Variants in CDK13 observed in about 807,000 individuals in gnomAD.
CDK13 encodes cyclin-dependent kinase 13.
In CDK13, 40 loss-of-function variants were observed where a neutral mutation model predicts 137.6. That is an observed-to-expected ratio of 0.29 (90% CI 0.23 to 0.38). CDK13 has a LOEUF of 0.38. Among genes scored for constraint, CDK13 ranks in the 10% least tolerant of loss-of-function variants. CDK13 has a pLI of 1.00. For synonymous variants in CDK13, 869 were observed against 760.1 expected, an observed-to-expected ratio of 1.14 and a Z score of -2.36; for missense variants, 1,704 against 1,951.8, an observed-to-expected ratio of 0.87 and a Z score of 2.39.
At chr7:40,080,540 C>T (rs983814736) in intron 11 of CDK13, among the ~76,000 whole-genome samples, 2 of 151,900 alleles carry the variant, frequency 1.3e-5, no homozygotes, top group African/African-American at 4.8e-5. Context: ...GATTTGGGAG[C>T]CAAAAAGGAT....
chr7:40,043,138 T>C (rs1021758188), intron 5 of CDK13, among the ~76,000 whole-genome samples: 1 of 152,246 alleles, frequency 6.6e-6, no homozygotes, highest in African/African-American at 2.4e-5. Context: ...TACATTTTCA[T>C]TTAATGAATT....
At chr7:39,972,863 A>G (rs1784029466) in intron 1 of CDK13, among the ~76,000 whole-genome samples, 1 of 152,178 alleles carries the variant, frequency 6.6e-6, no homozygotes, top group Non-Finnish European at 1.5e-5. Flanking sequence ...TTAAGATTTT[A>G]AAGAGCTGTC....
intron 5 of CDK13, among the ~76,000 whole-genome samples, chr7:40,020,893 C>A (rs1015640956): frequency 1.3e-5 from 2 of 150,686 alleles, no homozygotes; most frequent in Non-Finnish European, 1.5e-5. Context: ...GAGATGGAGA[C>A]CATCCTGGCC....
chr7:40,013,992 C>T (rs1784950305), intron 5 of CDK13, among the ~76,000 whole-genome samples: 1 of 147,212 alleles, frequency 6.8e-6, no homozygotes, highest in Admixed American at 6.8e-5. Flanking sequence ...GCTTATTGTA[C>T]ATTTCAACCA....
At chr7:40,078,165 A>G (rs745925515) in intron 10 of CDK13, 44 bp downstream of exon 10, 2 of 924,456 alleles carry the variant, frequency 2.2e-6, no homozygotes, top group Admixed American at 4.7e-5. Flanking sequence ...TGAATGTTTT[A>G]CTTTAATTCT....
intron 7 of CDK13, among the ~76,000 whole-genome samples, chr7:40,057,454 A>G (rs2150523731): frequency 6.6e-6 from 1 of 152,320 alleles, no homozygotes; most frequent in East Asian, 1.9e-4. Flanking sequence ...GTAATGAGCC[A>G]GGCCTAGAAA....
chr7:40,087,787 G>T (rs1786825249), intron 11 of CDK13, among the ~76,000 whole-genome samples: 1 of 152,108 alleles, frequency 6.6e-6, no homozygotes, highest in South Asian at 2.1e-4. Flanking sequence ...GACCTCAGAT[G>T]ATCCACCTAT....
chr7:40,003,206 A>ACACACACACACTCTCTCT (rs374470130), intron 5 of CDK13, among the ~76,000 whole-genome samples: 12 of 79,904 alleles, frequency 1.5e-4, no homozygotes, highest in African/African-American at 5.7e-4. Flanking sequence ...ACACACACAC[A>ACACACACACACTCTCTCT]CTCTCTCTCT....
At chr7:39,964,808 A>ACATG (rs1783831016) in intron 1 of CDK13, among the ~76,000 whole-genome samples, 1 of 151,886 alleles carries the variant, frequency 6.6e-6, no homozygotes, top group Non-Finnish European at 1.5e-5. Context: ...TGTCCCAGAG[A>ACATG]TTCTGGTATG....
At chr7:40,088,817 C>T (rs1442448455) in intron 12 of CDK13, among the ~76,000 whole-genome samples, 5 of 152,094 alleles carry the variant, frequency 3.3e-5, no homozygotes, top group South Asian at 2.1e-4. Context: ...TGCTGGCTCA[C>T]GCCTGTAATC....
chr7:40,054,446 T>C lies in CDK13; in HGVS notation c.2600+6569T>C, dbSNP rs973706194. ...TTAAAGTCTGATGACTTTTTTTTTT[T>C]TGAGATGGAGTTTCGCTCTTGTCTC... On this transcript the variant is annotated intron_variant, in intron 7 of 13. Transcript: ENST00000181839. Among the ~76,000 whole-genome samples the C allele has an allele frequency of 1.3e-4, 20 of 152,284 alleles. No homozygotes were observed. The Middle Eastern group carries it at 0.01, about 78-fold the overall frequency.
rs1787085721 is a variant in CDK13, at chr7:40,098,367, CCTT to C, written c.*3388_*3390del. On this transcript the variant is annotated 3_prime_UTR_variant, in exon 14 of 14. Coordinates refer to ENST00000181839, the MANE Select transcript of CDK13 (RefSeq NM_003718.5). ...TTTTCATCCTAGGGCTTTTTGTTTTCCTTTTTTATTTTTATTTTTTCTTTTTTT... is the reference window on the plus strand; with the variant it reads ...TTTTCATCCTAGGGCTTTTTGTTTTCTTTTATTTTTATTTTTTCTTTTTTT... 1 of 151,530 alleles carries C rather than the reference CCTT, an allele frequency of 6.6e-6. No individual in the cohort carries two copies. The allele number at this position is 151,530 out of a possible 1,614,324, so 9.4% of individuals were successfully genotyped here.
chr7:39,988,097 T>A lies in CDK13; in HGVS notation c.1710T>A (p.Ser570=). Residue 570 remains serine (S), a synonymous_variant, in exon 2 of 14, where the codon TCT becomes TCA. Coordinates refer to ENST00000181839, the MANE Select transcript of CDK13 (RefSeq NM_003718.5). The part of the protein sequence containing the change: ...KAVIVGKESK[S]AATKEESVSL... ...TCATAGTTGGAAAGGAGAGTAAATCTGCTGCTACAAAGGAGGAATCAGTAT... is the reference window on the plus strand; with the variant it reads ...TCATAGTTGGAAAGGAGAGTAAATCAGCTGCTACAAAGGAGGAATCAGTAT... The A allele has an allele frequency of 6.2e-7, 1 of 1,613,656 alleles. No homozygotes were observed. The highest frequency in any genetic ancestry group is 1.7e-5 in the Admixed American group (1 of 59,966).
chr7:40,082,992 A>G (rs1223558329), intron 11 of CDK13, among the ~76,000 whole-genome samples: 1 of 150,474 alleles, frequency 6.6e-6, no homozygotes, highest in Non-Finnish European at 1.5e-5. Flanking sequence ...AATCCCAGCT[A>G]CTCCAGAGGG....
At chr7:39,991,591 A>C (rs776591913) in intron 2 of CDK13, among the ~76,000 whole-genome samples, 98 of 151,608 alleles carry the variant, frequency 6.5e-4, no homozygotes, top group Admixed American at 1.6e-3. Context: ...TATATGTCCA[A>C]GTAAATTCTC....
At position 39,987,900 on chromosome 7, in the gene CDK13, A is replaced by G. The variant is rs1468432482; in HGVS notation, c.1513A>G (p.Ser505Gly). 5 of 1,614,138 alleles carry G rather than the reference A, an allele frequency of 3.1e-6. No homozygotes were observed. Among genetic ancestry groups the G allele is most frequent in the South Asian group, 2.2e-5 (2 of 91,090 alleles). The change falls in exon 2 of 14, where the codon AGT becomes GGT. Residue 505 changes from serine to glycine, a missense_variant. By Grantham distance (56) the Ser-to-Gly change is moderately conservative. Around this residue, in one of 5 missense-constraint regions of CDK13, gnomAD observed 1,051 missense variants for 931.0 expected, o/e 1.13. Transcript: ENST00000181839. Reference protein sequence around the residue: ...PTKGNTETSASASQTNHVKDV... With the variant: ...PTKGNTETSAGASQTNHVKDV... The stretch of plus-strand genomic sequence containing the variant: ...CAAGGGGAACACGGAAACTAGTGCC[A>G]GTGCATCACAAACAAACCATGTGAA...
At chr7:40,004,753 A>C (rs1204511460) in intron 5 of CDK13, among the ~76,000 whole-genome samples, 1 of 152,252 alleles carries the variant, frequency 6.6e-6, no homozygotes, top group African/African-American at 2.4e-5. Flanking sequence ...TAAAAAGCAA[A>C]AGTTAAACAA....
chr7:40,062,605 A>C, intron 7 of CDK13: 1 of 475,090 alleles, frequency 2.1e-6, no homozygotes, highest in Non-Finnish European at 3.8e-6. Context: ...TTTTGTTTTT[A>C]TCTTCATATA....
chr7:39,950,261 C>A lies in CDK13; in HGVS notation c.-381C>A, dbSNP rs1787095122. The A allele has an allele frequency of 2.9e-6, 3 of 1,038,412 alleles. No homozygotes were observed. The highest frequency in any genetic ancestry group is 1.7e-5 in the African/African-American group (1 of 59,552). The allele number at this position is 1,038,412 out of a possible 1,614,324, so 64.3% of individuals were successfully genotyped here. On this transcript the variant is annotated 5_prime_UTR_variant, in exon 1 of 14. Coordinates refer to ENST00000181839, the MANE Select transcript of CDK13 (RefSeq NM_003718.5). The stretch of plus-strand genomic sequence containing the variant: ...GAAGCGGCGACGAAGGTGGTACTTC[C>A]GCGTTGCGCTGCCCGAGCCGAGAGC...
Sources: allele counts gnomAD v4.1 joint callset (sites outside exome capture counted in the v4.1 genomes callset), GRCh38; gene constraint gnomAD v4.1.1; regional missense constraint gnomAD v4.1.1; transcripts MANE v1.5; gene names NCBI Gene and HGNC (gene_info 2026-07-23, HGNC 2026-07-21).